Variants in TENM4 observed in about 807,000 individuals in gnomAD.
The protein encoded by TENM4 is teneurin transmembrane protein 4, also known as teneurin-4.
TENM4 carries 82 observed loss-of-function variants against 243.3 expected under a neutral mutation model. That is an observed-to-expected ratio of 0.34 (90% CI 0.28 to 0.40). The LOEUF is 0.40. TENM4 is among the 10% of genes least tolerant of loss of function. The pLI is 1.00. For missense variants in TENM4, 3,138 were observed against 3,673.3 expected (o/e 0.85, Z 3.77); for synonymous variants, 1,412 against 1,456.3 (o/e 0.97, Z 0.69).
chr11:79,179,155 T>C lies in TENM4; in HGVS notation c.-162-30349A>G, dbSNP rs73506700. Among the ~76,000 whole-genome samples, 854 of 152,352 alleles carry C rather than the reference T, an allele frequency of 5.6e-3. 12 individuals carry two copies. Among genetic ancestry groups the C allele is most frequent in the African/African-American group, 0.019 (792 of 41,576 alleles). On this transcript the variant is annotated intron_variant, in intron 3 of 33. Transcript: ENST00000278550. ...GTACATTTTGGAAGAAGCTATCATA[T>C]GCATCACCTCACTTCTCCTCCTTGC...
chr11:78,845,873 T>C (rs1858380497), intron 12 of TENM4, among the ~76,000 whole-genome samples: 1 of 152,198 alleles, frequency 6.6e-6, no homozygotes, highest in Non-Finnish European at 1.5e-5. Context: ...TACATCTGAA[T>C]GGAGGATAGG....
chr11:79,319,203 C>A (rs916088858), intron 1 of TENM4, among the ~76,000 whole-genome samples: 6 of 152,202 alleles, frequency 3.9e-5, no homozygotes, highest in Non-Finnish European at 8.8e-5. Context: ...ATGTTTGACT[C>A]CAAATCCCTT....
chr11:79,337,448 G>A (rs886200567), intron 1 of TENM4, among the ~76,000 whole-genome samples: 30 of 152,312 alleles, frequency 2.0e-4, no homozygotes, highest in African/African-American at 7.0e-4. Flanking sequence ...CCAGTGACCT[G>A]TGATTTGTCT....
At chr11:78,948,682 T>G (rs552078442) in intron 6 of TENM4, among the ~76,000 whole-genome samples, 1 of 152,330 alleles carries the variant, frequency 6.6e-6, no homozygotes, top group Admixed American at 6.5e-5. Flanking sequence ...CCAACTGTCT[T>G]TTTTATAGCA....
intron 6 of TENM4, among the ~76,000 whole-genome samples, chr11:78,966,941 C>A (rs534833769): frequency 2.0e-5 from 3 of 152,234 alleles, no homozygotes; most frequent in South Asian, 2.1e-4. Context: ...TCTATCTGAA[C>A]GGCAACCCAT....
intron 18 of TENM4, among the ~76,000 whole-genome samples, chr11:78,768,735 A>T (rs1285328569): frequency 6.6e-6 from 1 of 152,118 alleles, no homozygotes; most frequent in Non-Finnish European, 1.5e-5. Flanking sequence ...CTACTGGCTC[A>T]TCTCTCAGAA....
chr11:78,733,518 C>T (rs1388985426), intron 20 of TENM4, among the ~76,000 whole-genome samples: 1 of 152,194 alleles, frequency 6.6e-6, no homozygotes, highest in East Asian at 1.9e-4. Context: ...ATCTTGTGCC[C>T]AAACAGGACC....
intron 4 of TENM4, among the ~76,000 whole-genome samples, chr11:79,106,622 C>T (rs1326933596): frequency 6.6e-6 from 1 of 152,234 alleles, no homozygotes; most frequent in Non-Finnish European, 1.5e-5. Flanking sequence ...CACCAACACT[C>T]AGGGCTTAGG....
intron 4 of TENM4, among the ~76,000 whole-genome samples, chr11:79,094,781 G>T (rs931269105): frequency 3.3e-5 from 5 of 152,152 alleles, no homozygotes; most frequent in African/African-American, 1.2e-4. Context: ...AGTGGGGGAG[G>T]AGCTCCTACT....
intron 10 of TENM4, among the ~76,000 whole-genome samples, chr11:78,857,306 C>T (rs1858703857): frequency 3.9e-5 from 6 of 152,086 alleles, no homozygotes; most frequent in Admixed American, 3.9e-4. Context: ...CTTCAGAGAA[C>T]AAGAATTCAT....
chr11:78,775,479 G>C (rs1326763831), intron 17 of TENM4, among the ~76,000 whole-genome samples: 4 of 152,204 alleles, frequency 2.6e-5, no homozygotes, highest in African/African-American at 9.7e-5. Flanking sequence ...TCTTCAAATG[G>C]ACCAAGTGAT....
At chr11:78,694,091 G>T (rs1858896450) in intron 28 of TENM4, among the ~76,000 whole-genome samples, 3 of 152,198 alleles carry the variant, frequency 2.0e-5, no homozygotes, top group South Asian at 4.1e-4. Flanking sequence ...CACACACACT[G>T]CAAGGCTTTC....
At chr11:78,920,927 GC>G (rs891413656) in intron 6 of TENM4, among the ~76,000 whole-genome samples, 1 of 152,196 alleles carries the variant, frequency 6.6e-6, no homozygotes, top group African/African-American at 2.4e-5. Flanking sequence ...CCTCCTGTGT[GC>G]CGGGCTCTGT....
At chr11:79,029,089 G>A (rs192146380) in intron 6 of TENM4, among the ~76,000 whole-genome samples, 157 of 151,904 alleles carry the variant, frequency 1.0e-3, no homozygotes, top group African/African-American at 3.5e-3. Context: ...TTTTCCCCTC[G>A]CATCTTCAGA....
intron 6 of TENM4, among the ~76,000 whole-genome samples, chr11:78,996,220 G>T (rs1163185787): frequency 5.3e-5 from 8 of 152,198 alleles, no homozygotes; most frequent in Non-Finnish European, 1.5e-5. Context: ...TGCAGCAGAT[G>T]CTAGCTCTGG....
At chr11:79,247,181 T>C (rs561867864) in intron 2 of TENM4, among the ~76,000 whole-genome samples, 27 of 150,226 alleles carry the variant, frequency 1.8e-4, no homozygotes, top group Admixed American at 3.3e-4. Flanking sequence ...TTTTGGGAGG[T>C]TAAGGTGGGC....
At chr11:79,317,410 A>G (rs1856820578) in intron 1 of TENM4, among the ~76,000 whole-genome samples, 1 of 152,206 alleles carries the variant, frequency 6.6e-6, no homozygotes, top group African/African-American at 2.4e-5. Flanking sequence ...CAGGGCGCAG[A>G]CAGGCTATCT....
intron 6 of TENM4, among the ~76,000 whole-genome samples, chr11:78,914,236 C>T (rs1341893145): frequency 6.6e-6 from 1 of 152,158 alleles, no homozygotes; most frequent in Non-Finnish European, 1.5e-5. Context: ...CTCCTGAGTC[C>T]CTTCCAGCCA....
chr11:79,381,094 C>T (rs971161490), intron 1 of TENM4, among the ~76,000 whole-genome samples: 1 of 152,126 alleles, frequency 6.6e-6, no homozygotes, highest in Admixed American at 6.5e-5. Context: ...AGCCCTGACT[C>T]TTGAGTGCAT....
Sources: allele counts gnomAD v4.1 joint callset (sites outside exome capture counted in the v4.1 genomes callset), GRCh38; gene constraint gnomAD v4.1.1; transcripts MANE v1.5; gene names NCBI Gene and HGNC (gene_info 2026-07-23, HGNC 2026-07-21).